The following PHKB variants were observed in gnomAD, a reference collection of about 807,000 sequenced individuals.
PHKB encodes the protein phosphorylase kinase regulatory subunit beta.
PHKB carries 122 observed loss-of-function variants against 152.1 expected under a neutral mutation model. That is an observed-to-expected ratio of 0.80 (90% CI 0.69 to 0.93). PHKB has a LOEUF of 0.93. PHKB is among the 40% of genes least tolerant of loss of function. The pLI, the probability that PHKB is intolerant of heterozygous loss-of-function variation, is 0.00. For missense variants in PHKB, 1,304 were observed against 1,328.4 expected (o/e 0.98, Z 0.29); for synonymous variants, 436 against 464.9 (o/e 0.94, Z 0.80).
chr16:47,640,971 CAT>C, intron 14 of PHKB, 62 bp from the exon 15 acceptor site: 1 of 1,400,932 alleles, frequency 7.1e-7, no homozygotes, highest in Non-Finnish European at 1.0e-6. Context: ...CCTTGTTTCT[CAT>C]TGTAGCTGAT....
At chr16:47,672,060 T>C (rs1973647764) in intron 26 of PHKB, among the ~76,000 whole-genome samples, 1 of 152,164 alleles carries the variant, frequency 6.6e-6, no homozygotes, top group South Asian at 2.1e-4. Context: ...GATTTCTACT[T>C]TCTAAGTTAC....
At chr16:47,519,055 C>T (rs1384319958) in intron 6 of PHKB, among the ~76,000 whole-genome samples, 2 of 152,214 alleles carry the variant, frequency 1.3e-5, no homozygotes, top group South Asian at 4.1e-4. Flanking sequence ...TTTTATGTCT[C>T]TTATGGAAGT....
chr16:47,697,158 C>T (rs1974162691), intron 29 of PHKB, among the ~76,000 whole-genome samples: 1 of 152,186 alleles, frequency 6.6e-6, no homozygotes, highest in South Asian at 2.1e-4. Context: ...TTGTCTCTTT[C>T]CCTGGGCATG....
intron 6 of PHKB, among the ~76,000 whole-genome samples, chr16:47,539,713 G>T (rs1270198878): frequency 6.6e-6 from 1 of 152,122 alleles, no homozygotes; most frequent in Non-Finnish European, 1.5e-5. Context: ...CACGGCAGAG[G>T]AACATAAATT....
chr16:47,566,172 C>T (rs1246966769), intron 7 of PHKB: 1 of 677,060 alleles, frequency 1.5e-6, no homozygotes, highest in Non-Finnish European at 2.7e-6. Context: ...CATATCCCTG[C>T]ATGGGCCATC....
intron 6 of PHKB, among the ~76,000 whole-genome samples, chr16:47,530,948 C>T (rs1970851761): frequency 6.6e-6 from 1 of 152,122 alleles, no homozygotes; most frequent in Non-Finnish European, 1.5e-5. Flanking sequence ...ATTTGAGAAA[C>T]TCATCCTAAA....
intron 14 of PHKB, among the ~76,000 whole-genome samples, chr16:47,616,552 CAT>C (rs936643661): frequency 1.5e-4 from 20 of 134,186 alleles, no homozygotes; most frequent in South Asian, 2.2e-4. Context: ...AAATATAAAA[CAT>C]ATGTTAATAT....
intron 23 of PHKB, among the ~76,000 whole-genome samples, chr16:47,663,170 C>T (rs1000520065): frequency 8.5e-5 from 13 of 152,090 alleles, no homozygotes; most frequent in East Asian, 1.9e-4. Context: ...TGTGATTTTA[C>T]GGGCAAAATC....
intron 2 of PHKB, among the ~76,000 whole-genome samples, chr16:47,498,502 C>G (rs1260955967): frequency 6.6e-6 from 1 of 152,114 alleles, no homozygotes; most frequent in African/African-American, 2.4e-5. Flanking sequence ...ATGGAGAAAC[C>G]CCGTCTCTAC....
intron 1 of PHKB, among the ~76,000 whole-genome samples, chr16:47,493,957 CTT>C (rs1970192121): frequency 6.6e-6 from 1 of 152,126 alleles, no homozygotes; most frequent in Admixed American, 6.5e-5. Flanking sequence ...AAACTCTTGC[CTT>C]TTATAGAGCT....
chr16:47,529,207 T>C (rs1597058213), intron 6 of PHKB: 1 of 152,132 alleles, frequency 6.6e-6, no homozygotes, highest in African/African-American at 2.4e-5. Context: ...AGAAGTTTCT[T>C]GGCCAGGTGC....
chr16:47,517,949 G>A lies in PHKB; in HGVS notation c.594+2348G>A, dbSNP rs376326676. ...TATAATGTGTTGGATCATATGGAGA[G>A]GCAGTAAATGGACCTGCATAGAATC... is the stretch of plus-strand genomic sequence containing the variant. On this transcript the variant is annotated intron_variant, in intron 6 of 30. Transcript: ENST00000323584. 3.3e-5 allele frequency among the ~76,000 whole-genome samples: 5 copies of A among 152,112 alleles called. No homozygotes were observed. In the South Asian group the frequency reaches 6.2e-4, roughly 19 times the overall value.
intron 6 of PHKB, among the ~76,000 whole-genome samples, chr16:47,534,807 T>G (rs1390901134): frequency 6.6e-6 from 1 of 152,250 alleles, no homozygotes; most frequent in Admixed American, 6.5e-5. Context: ...ACAACATTAT[T>G]TCTATGATAT....
At chr16:47,514,914 A>G (rs1970570993) in intron 5 of PHKB, among the ~76,000 whole-genome samples, 1 of 152,236 alleles carries the variant, frequency 6.6e-6, no homozygotes, top group Admixed American at 6.5e-5. Flanking sequence ...TAATTTGTTC[A>G]TAAACATGTT....
chr16:47,678,687 T>C (rs942485900), intron 26 of PHKB, among the ~76,000 whole-genome samples: 1 of 151,836 alleles, frequency 6.6e-6, no homozygotes, highest in Non-Finnish European at 1.5e-5. Flanking sequence ...GTCAGATGAG[T>C]AGGTTGCAAA....
intron 10 of PHKB, among the ~76,000 whole-genome samples, chr16:47,592,785 T>G (rs1972050549): frequency 6.6e-6 from 1 of 152,238 alleles, no homozygotes; most frequent in Non-Finnish European, 1.5e-5. Context: ...AAATATTTAT[T>G]GAAGGACTGC....
Position 47,571,170 on chromosome 16 carries a change from A to G in PHKB, c.711-9125A>G, listed in dbSNP as rs11859041. 8.4e-3 allele frequency among the ~76,000 whole-genome samples: 1,282 copies of G among 152,168 alleles called. 24 individuals are homozygous for G. The highest frequency in any genetic ancestry group is 0.029 in the African/African-American group (1,214 of 41,504). On this transcript the variant is annotated intron_variant, in intron 7 of 30. Transcript: ENST00000323584. ...CTCCTGTGGGGCCAGAGTGGCAGAG[A>G]TCTCAGGAAGCTTATCTTGTTCCCC...
chr16:47,585,784 C>T (rs950414115), intron 8 of PHKB, among the ~76,000 whole-genome samples: 3 of 152,120 alleles, frequency 2.0e-5, no homozygotes, highest in African/African-American at 4.8e-5. Flanking sequence ...CATTTATTTA[C>T]GGCCAGAAAA....
intron 26 of PHKB, among the ~76,000 whole-genome samples, chr16:47,671,431 T>C (rs1205847906): frequency 2.0e-5 from 3 of 152,174 alleles, no homozygotes; most frequent in Non-Finnish European, 2.9e-5. Flanking sequence ...TAGAAATATA[T>C]ATTTCATAAT....
Sources: allele counts gnomAD v4.1 joint callset (sites outside exome capture counted in the v4.1 genomes callset), GRCh38; gene constraint gnomAD v4.1.1; transcripts MANE v1.5; gene names NCBI Gene and HGNC (gene_info 2026-07-23, HGNC 2026-07-21).